PTPRD: variants seen among roughly 807,000 people sequenced by gnomAD.
PTPRD encodes protein tyrosine phosphatase receptor type D, also known as receptor-type tyrosine-protein phosphatase delta.
Under a neutral mutation model 214.5 loss-of-function variants are expected in PTPRD, and 34 were observed. The ratio of observed to expected loss-of-function variants is 0.16; its 90% CI spans 0.12 to 0.21. PTPRD has a LOEUF of 0.21. Ranked by LOEUF, PTPRD falls within the 10% of genes least tolerant of loss-of-function variation. The pLI is 1.00. For synonymous variants in PTPRD, 1,128 were observed against 845.7 expected, an observed-to-expected ratio of 1.33 and a Z score of -5.79; for missense variants, 2,545 against 2,398.7, an observed-to-expected ratio of 1.06 and a Z score of -1.27.
chr9:9,223,563 C>T (rs953634046), intron 9 of PTPRD, among the ~76,000 whole-genome samples: 1 of 151,934 alleles, frequency 6.6e-6, no homozygotes. Context: ...CTATGCCTAA[C>T]AAATGCCTTC....
intron 14 of PTPRD, among the ~76,000 whole-genome samples, chr9:8,549,635 G>C (rs984906825): frequency 6.6e-6 from 1 of 152,106 alleles, no homozygotes; most frequent in Non-Finnish European, 1.5e-5. Flanking sequence ...CTTGTGAGGA[G>C]GGGCATATGA....
chr9:8,753,205 T>A (rs2093687077), intron 11 of PTPRD, among the ~76,000 whole-genome samples: 2 of 152,186 alleles, frequency 1.3e-5, no homozygotes, highest in South Asian at 4.1e-4. Context: ...TTCTGCCACA[T>A]AGCTCAGGGA....
intron 11 of PTPRD, chr9:8,861,864 G>A (rs2098112893): frequency 6.6e-6 from 1 of 152,158 alleles, no homozygotes; most frequent in Non-Finnish European, 1.5e-5. Context: ...ACCTTTTCCT[G>A]TAGGTGTTAG....
At chr9:10,278,446 T>C (rs142518216) in intron 3 of PTPRD, among the ~76,000 whole-genome samples, 3 of 152,128 alleles carry the variant, frequency 2.0e-5, no homozygotes, top group African/African-American at 7.2e-5. Flanking sequence ...ATTTGCTGCA[T>C]TGCCTCCCTC....
At chr9:8,448,098 G>A (rs1022612696) in intron 34 of PTPRD, among the ~76,000 whole-genome samples, 1 of 152,054 alleles carries the variant, frequency 6.6e-6, no homozygotes, top group Non-Finnish European at 1.5e-5. Flanking sequence ...GCTGAGGCAG[G>A]TGAGTTGCTG....
At position 8,469,309 on chromosome 9, in the gene PTPRD, C is replaced by A. The variant is rs142255458; in HGVS notation, c.3504+1686G>T. 7.5e-3 allele frequency among the ~76,000 whole-genome samples: 1,138 copies of A among 152,150 alleles called. 11 individuals carry two copies. The highest frequency in any genetic ancestry group is 0.026 in the African/African-American group (1,084 of 41,542). ...TCACTTTCTATTACTTACTACCAAACGGCTTTACTTCTAAGGAAAGCTTAT... is the reference window on the plus strand; with the variant it reads ...TCACTTTCTATTACTTACTACCAAAAGGCTTTACTTCTAAGGAAAGCTTAT... On this transcript the variant is annotated intron_variant, in intron 31 of 45. Transcript: ENST00000381196.
intron 36 of PTPRD, among the ~76,000 whole-genome samples, chr9:8,403,481 T>C (rs779829866): frequency 1.3e-5 from 2 of 152,226 alleles, no homozygotes; most frequent in Non-Finnish European, 2.9e-5. Flanking sequence ...CCTAAACTAT[T>C]TTCTAAGGAC....
At chr9:9,846,684 C>A (rs2059590154) in intron 5 of PTPRD, among the ~76,000 whole-genome samples, 4 of 151,964 alleles carry the variant, frequency 2.6e-5, no homozygotes, top group Admixed American at 2.0e-4. Flanking sequence ...AGAAAGCTAC[C>A]CAGCTTGTTA....
chr9:9,178,879 A>G (rs576458435), intron 10 of PTPRD, among the ~76,000 whole-genome samples: 2 of 152,204 alleles, frequency 1.3e-5, no homozygotes, highest in East Asian at 3.9e-4. Flanking sequence ...TACACAATTA[A>G]CCTTCCCTTA....
intron 3 of PTPRD, among the ~76,000 whole-genome samples, chr9:10,231,815 G>A (rs527587804): frequency 1.8e-4 from 28 of 151,998 alleles, no homozygotes; most frequent in African/African-American, 6.0e-4. Context: ...CAATGTGGTG[G>A]TATTGGGAAG....
At chr9:8,359,279 C>A (rs2077843399) in intron 39 of PTPRD, among the ~76,000 whole-genome samples, 1 of 151,836 alleles carries the variant, frequency 6.6e-6, no homozygotes, top group Non-Finnish European at 1.5e-5. Flanking sequence ...CCACCCCAAC[C>A]TAGAGAATCA....
At chr9:9,343,219 G>C (rs1191054565) in intron 9 of PTPRD, among the ~76,000 whole-genome samples, 1 of 152,140 alleles carries the variant, frequency 6.6e-6, no homozygotes, top group African/African-American at 2.4e-5. Context: ...ATAGTCACAT[G>C]ATTTGTAATC....
intron 3 of PTPRD, among the ~76,000 whole-genome samples, chr9:10,316,070 A>AAT (rs953039768): frequency 1.5e-3 from 223 of 148,618 alleles, no homozygotes; most frequent in African/African-American, 4.0e-3. Context: ...ATGGTGTTGT[A>AAT]ATATATATAT....
intron 2 of PTPRD, among the ~76,000 whole-genome samples, chr9:10,559,405 A>G (rs184711019): frequency 6.6e-6 from 1 of 152,168 alleles, no homozygotes; most frequent in African/African-American, 2.4e-5. Flanking sequence ...CACATTCCAA[A>G]TAATCAATGG....
intron 10 of PTPRD, among the ~76,000 whole-genome samples, chr9:9,049,328 A>C (rs1471923508): frequency 6.6e-6 from 1 of 152,186 alleles, no homozygotes; most frequent in Non-Finnish European, 1.5e-5. Context: ...AAAATCCAAG[A>C]ATAGGTGCTT....
chr9:9,846,278 A>G (rs971905366), intron 5 of PTPRD, among the ~76,000 whole-genome samples: 1 of 152,096 alleles, frequency 6.6e-6, no homozygotes, highest in African/African-American at 2.4e-5. Flanking sequence ...TCAGTACCCT[A>G]CAGCATTCCC....
At chr9:9,719,945 G>A (rs1422536554) in intron 7 of PTPRD, among the ~76,000 whole-genome samples, 1 of 152,154 alleles carries the variant, frequency 6.6e-6, no homozygotes, top group African/African-American at 2.4e-5. Flanking sequence ...ATGACTAACT[G>A]TGTGCACTGG....
chr9:8,837,007 G>A (rs989483500), intron 11 of PTPRD, among the ~76,000 whole-genome samples: 17 of 148,500 alleles, frequency 1.1e-4, no homozygotes, highest in Non-Finnish European at 2.1e-4. Context: ...GATTACAGGC[G>A]TGAGCCACCA....
chr9:8,452,089 A>G (rs1264860518), intron 33 of PTPRD, among the ~76,000 whole-genome samples: 1 of 152,232 alleles, frequency 6.6e-6, no homozygotes, highest in African/African-American at 2.4e-5. Flanking sequence ...TAAAATTACA[A>G]TTCACAATTT....
Sources: allele counts gnomAD v4.1 joint callset (sites outside exome capture counted in the v4.1 genomes callset), GRCh38; gene constraint gnomAD v4.1.1; transcripts MANE v1.5; gene names NCBI Gene and HGNC (gene_info 2026-07-23, HGNC 2026-07-21).